Variants in SPECC1L observed in about 807,000 individuals in gnomAD.
The protein encoded by SPECC1L is sperm antigen with calponin homology and coiled-coil domains 1 like, also known as cytospin-A.
In SPECC1L, 40 loss-of-function variants were observed where a neutral mutation model predicts 116.8. The ratio of observed to expected loss-of-function variants is 0.34; its 90% confidence interval spans 0.27 to 0.45. The LOEUF (loss-of-function observed/expected upper bound fraction) is 0.45. Ranked by LOEUF, SPECC1L falls within the 20% of genes least tolerant of loss-of-function variation. The pLI is 1.00. For synonymous variants in SPECC1L, 504 were observed against 500.6 expected, an observed-to-expected ratio of 1.01 and a Z score of -0.09; for missense variants, 1,110 against 1,373.6, an observed-to-expected ratio of 0.81 and a Z score of 3.03.
At chr22:24,306,188 T>A (rs1326375150) in intron 3 of SPECC1L, among the ~76,000 whole-genome samples, 2 of 152,192 alleles carry the variant, frequency 1.3e-5, no homozygotes, top group Admixed American at 1.3e-4. Flanking sequence ...ATTACAGGCA[T>A]GAGCCACTGC....
At chr22:24,378,409 C>T (rs1001757957) in intron 14 of SPECC1L, among the ~76,000 whole-genome samples, 5 of 152,210 alleles carry the variant, frequency 3.3e-5, no homozygotes, top group African/African-American at 1.2e-4. Flanking sequence ...GTTTTGCTAT[C>T]TTATCATTTG....
chr22:24,386,108 A>G (rs2042155651), intron 14 of SPECC1L, among the ~76,000 whole-genome samples: 1 of 143,692 alleles, frequency 7.0e-6, no homozygotes, highest in Admixed American at 6.9e-5. Context: ...ACTCCTGTTT[A>G]TTAGTTTCAA....
intron 10 of SPECC1L, among the ~76,000 whole-genome samples, chr22:24,338,735 T>C (rs1214009905): frequency 6.6e-6 from 1 of 152,260 alleles, no homozygotes; most frequent in African/African-American, 2.4e-5. Context: ...TACACTGTTC[T>C]GAATACTTTA....
intron 2 of SPECC1L, among the ~76,000 whole-genome samples, chr22:24,299,986 G>C (rs921517019): frequency 6.6e-6 from 1 of 151,982 alleles, no homozygotes; most frequent in Non-Finnish European, 1.5e-5. Flanking sequence ...TATAATACAT[G>C]GTCCTTTGTG....
chr22:24,351,379 A>G (rs961189476), intron 11 of SPECC1L, among the ~76,000 whole-genome samples: 1 of 152,338 alleles, frequency 6.6e-6, no homozygotes, highest in African/African-American at 2.4e-5. Flanking sequence ...ATGGGTGTGG[A>G]AGGTCTGTAG....
chr22:24,351,973 A>G (rs2041433685), intron 11 of SPECC1L, among the ~76,000 whole-genome samples: 1 of 151,748 alleles, frequency 6.6e-6, no homozygotes, highest in African/African-American at 2.4e-5. Flanking sequence ...TGGGGAATAG[A>G]GCGAGACTCT....
chr22:24,322,629 C>T lies in SPECC1L; in HGVS notation c.1649C>T (p.Ser550Phe). The T allele has an allele frequency of 6.2e-7, 1 of 1,614,028 alleles. No homozygotes were observed. Among genetic ancestry groups the T allele is most frequent in the Non-Finnish European group, 8.5e-7 (1 of 1,179,988 alleles). Reference protein sequence around the residue: ...RSHHMERIIESEQKGKAALAA... With the variant: ...RSHHMERIIEFEQKGKAALAA... ...CACCATATGGAGCGAATTATTGAGT[C>T]TGAGCAGAAAGGAAAAGCAGCCTTG... The change falls in exon 5 of 17, where the codon TCT becomes TTT. Residue 550 changes from serine (S) to phenylalanine (F), a missense_variant. Coordinates refer to ENST00000314328, the MANE Select transcript of SPECC1L (RefSeq NM_015330.6).
At chr22:24,283,432 A>T (rs1044554537) in intron 2 of SPECC1L, among the ~76,000 whole-genome samples, 1 of 152,178 alleles carries the variant, frequency 6.6e-6, no homozygotes, top group African/African-American at 2.4e-5. Flanking sequence ...GATAAACCCT[A>T]CTTGGTTATG....
chr22:24,365,088 A>G (rs1453582545), intron 12 of SPECC1L, among the ~76,000 whole-genome samples: 1 of 151,788 alleles, frequency 6.6e-6, no homozygotes, highest in African/African-American at 2.4e-5. Context: ...GCTTACTGCA[A>G]CCTCCACCAC....
chr22:24,334,324 G>T (rs879121265), intron 8 of SPECC1L, 86 bp from the exon 9 acceptor site: 36 of 1,462,356 alleles, frequency 2.5e-5, no homozygotes, highest in South Asian at 5.8e-5. Context: ...TAAACTGATA[G>T]TTTTTAATGC....
At chr22:24,346,587 A>G (rs2041300631) in intron 10 of SPECC1L, among the ~76,000 whole-genome samples, 1 of 152,220 alleles carries the variant, frequency 6.6e-6, no homozygotes, top group African/African-American at 2.4e-5. Context: ...ATGAAACCAC[A>G]TTCAGAATAC....
At position 24,293,431 on chromosome 22, in the gene SPECC1L, G is replaced by A. The variant is rs577469538; in HGVS notation, c.-37-8764G>A. 1.4e-3 allele frequency among the ~76,000 whole-genome samples: 215 copies of A among 152,126 alleles called. 3 individuals are homozygous for A. Among genetic ancestry groups the A allele is most frequent in the Admixed American group, 0.014 (210 of 15,286 alleles). ...TCGTGCCACTGTACTCCAGCCTGGC[G>A]ACAGAGCGAGACTCCATCTCCAAAA... On this transcript the variant is annotated intron_variant, in intron 2 of 16. Coordinates refer to ENST00000314328, the MANE Select transcript of SPECC1L (RefSeq NM_015330.6).
At chr22:24,326,098 C>T (rs1050462170) in intron 6 of SPECC1L, among the ~76,000 whole-genome samples, 21 of 152,076 alleles carry the variant, frequency 1.4e-4, no homozygotes, top group African/African-American at 3.9e-4. Flanking sequence ...GAATTACAGG[C>T]GCCCACTACC....
intron 2 of SPECC1L, among the ~76,000 whole-genome samples, chr22:24,290,080 C>T (rs1473349074): frequency 6.6e-6 from 1 of 152,242 alleles, no homozygotes; most frequent in Non-Finnish European, 1.5e-5. Flanking sequence ...ATTGGCCCTG[C>T]TCACCATCAC....
intron 12 of SPECC1L, among the ~76,000 whole-genome samples, chr22:24,364,256 A>G (rs1004867534): frequency 1.2e-4 from 19 of 152,260 alleles, no homozygotes; most frequent in African/African-American, 4.1e-4. Flanking sequence ...GAGGTAGTAC[A>G]GTGGCTTACT....
intron 14 of SPECC1L, among the ~76,000 whole-genome samples, chr22:24,409,675 G>C (rs1038744979): frequency 6.6e-6 from 1 of 152,100 alleles, no homozygotes; most frequent in African/African-American, 2.4e-5. Flanking sequence ...AATAAAAAAT[G>C]AATTATATAT....
chr22:24,407,216 C>T (rs1435971582), intron 14 of SPECC1L, among the ~76,000 whole-genome samples: 1 of 152,228 alleles, frequency 6.6e-6, no homozygotes, highest in Non-Finnish European at 1.5e-5. Context: ...TAGGAAATTT[C>T]GTTGTCAGGT....
intron 14 of SPECC1L, among the ~76,000 whole-genome samples, chr22:24,393,417 TGATTCAC>T (rs1268181101): frequency 6.6e-6 from 1 of 152,182 alleles, no homozygotes; most frequent in Admixed American, 6.5e-5. Context: ...GACTTTCTAG[TGATTCAC>T]CTAAGATTTA....
In SPECC1L at chr22:24,321,682, C is replaced by A; in HGVS notation, c.702C>A (p.His234Gln). 6.2e-7 allele frequency: 1 copy of A among 1,614,226 alleles called. No homozygotes were observed. The highest frequency in any genetic ancestry group is 1.1e-5 in the South Asian group (1 of 91,090). The change falls in exon 5 of 17, where the codon CAC becomes CAA. Residue 234 changes from histidine to glutamine, a missense_variant. Around this residue, in one of 4 missense-constraint regions of SPECC1L, gnomAD observed 437 missense variants for 482.6 expected, o/e 0.91. Coordinates refer to ENST00000314328, the MANE Select transcript of SPECC1L (RefSeq NM_015330.6). ...CTGAGAAGGAAACTATTATGGCTCA[C>A]CAGCCGACTGATGTGGAGTCCACTT... ...EKSEKETIMA[H>Q]QPTDVESTLL...
Sources: gnomAD v4.1 joint callset for allele counts (sites outside exome capture counted in the v4.1 genomes callset) on GRCh38, gnomAD v4.1.1 for gene constraint, gnomAD v4.1.1 regional missense constraint, MANE v1.5 for transcripts, NCBI Gene and HGNC (gene_info 2026-07-23, HGNC 2026-07-21) for gene names.